Variants in FGD4 observed in about 807,000 individuals in gnomAD.
FGD4 encodes the protein FYVE, RhoGEF and PH domain containing 4.
Under a neutral mutation model 102.0 loss-of-function variants are expected in FGD4, and 42 were observed. The observed-to-expected ratio is 0.41, with a 90% CI of 0.32 to 0.53. The LOEUF is 0.53. Among genes scored for constraint, FGD4 ranks in the 20% least tolerant of loss-of-function variants. The pLI is 0.21. For missense variants in FGD4, 902 were observed against 1,078.2 expected, an observed-to-expected ratio of 0.84 and a Z score of 2.29; for synonymous variants, 380 against 375.7, an observed-to-expected ratio of 1.01 and a Z score of -0.13.
chr12:32,524,706 T>C (rs1168664965), intron 1 of FGD4, among the ~76,000 whole-genome samples: 2 of 151,988 alleles, frequency 1.3e-5, no homozygotes, highest in Non-Finnish European at 2.9e-5. Context: ...GTGCCTGTAG[T>C]CTCAGCTACT....
At chr12:32,423,432 A>G (rs2136421855) in intron 1 of FGD4, among the ~76,000 whole-genome samples, 1 of 151,908 alleles carries the variant, frequency 6.6e-6, no homozygotes, top group South Asian at 2.1e-4. Flanking sequence ...TCTATTAAAA[A>G]ATACAAAAAA....
intron 1 of FGD4, among the ~76,000 whole-genome samples, chr12:32,442,818 A>G (rs1015034389): frequency 3.9e-5 from 6 of 152,100 alleles, no homozygotes; most frequent in Admixed American, 6.6e-5. Flanking sequence ...TAGGCCTTCC[A>G]AAGTGTTGGG....
chr12:32,546,618 T>TTGG lies in FGD4; in HGVS notation c.167-17518_167-17516dup, dbSNP rs377712444. Reference sequence around the variant, plus strand: ...TTTTCTGACTTCTCCCTGAGGAGGTTTGGGTCAGGCCTAGCAGAAACTGCA... The same window carrying TTGG: ...TTTTCTGACTTCTCCCTGAGGAGGTTTGGTGGGTCAGGCCTAGCAGAAACTGCA... On this transcript the variant is annotated intron_variant, in intron 1 of 16. Coordinates refer to ENST00000534526, the MANE Select transcript of FGD4 (RefSeq NM_001370298.3). Among the ~76,000 whole-genome samples the TTGG allele has an allele frequency of 5.1e-3, 780 of 152,336 alleles. 5 individuals are homozygous for TTGG. The highest frequency in any genetic ancestry group is 0.017 in the African/African-American group (714 of 41,578).
chr12:32,605,307 A>G (rs1160622498), intron 7 of FGD4, among the ~76,000 whole-genome samples: 2 of 146,758 alleles, frequency 1.4e-5, no homozygotes, highest in African/African-American at 5.0e-5. Flanking sequence ...GGTCTGCCTC[A>G]TCCCCTTCAC....
At chr12:32,447,989 G>A in intron 1 of FGD4, among the ~76,000 whole-genome samples, 1 of 152,182 alleles carries the variant, frequency 6.6e-6, no homozygotes, top group African/African-American at 2.4e-5. Context: ...GTTGGGGAAG[G>A]AACAAACCCT....
At chr12:32,580,432 C>T (rs535688671) in intron 3 of FGD4, among the ~76,000 whole-genome samples, 55 of 152,212 alleles carry the variant, frequency 3.6e-4, no homozygotes, top group African/African-American at 5.5e-4. Flanking sequence ...CTGTGTCAAG[C>T]GCCACGCTAA....
intron 16 of FGD4, among the ~76,000 whole-genome samples, chr12:32,639,145 T>C (rs1565940706): frequency 6.6e-6 from 1 of 152,094 alleles, no homozygotes; most frequent in African/African-American, 2.4e-5. Context: ...TAATTTTGTT[T>C]TTTGTTTGTT....
intron 4 of FGD4, among the ~76,000 whole-genome samples, chr12:32,592,772 C>T (rs1297303790): frequency 1.3e-5 from 2 of 152,050 alleles, no homozygotes; most frequent in Admixed American, 6.5e-5. Context: ...TTGGAAGCCA[C>T]CATATTATTA....
chr12:32,501,380 C>T (rs1020768403), intron 1 of FGD4, among the ~76,000 whole-genome samples: 4 of 152,152 alleles, frequency 2.6e-5, no homozygotes, highest in Non-Finnish European at 5.9e-5. Context: ...CCAATTTTAT[C>T]TTCCAAGGAC....
At chr12:32,619,103 T>C (rs1336637026) in intron 10 of FGD4, among the ~76,000 whole-genome samples, 1 of 152,252 alleles carries the variant, frequency 6.6e-6, no homozygotes, top group African/African-American at 2.4e-5. Flanking sequence ...TAATTTGTTG[T>C]GAATTTATTG....
At chr12:32,446,903 A>G (rs1942631732) in intron 1 of FGD4, among the ~76,000 whole-genome samples, 1 of 152,170 alleles carries the variant, frequency 6.6e-6, no homozygotes, top group Non-Finnish European at 1.5e-5. Context: ...CAGTGGTGCA[A>G]TGAGGGGCAT....
chr12:32,418,449 G>A (rs1279369965), intron 1 of FGD4, among the ~76,000 whole-genome samples: 1 of 152,100 alleles, frequency 6.6e-6, no homozygotes, highest in East Asian at 1.9e-4. Flanking sequence ...TAACTCTGTG[G>A]TTCTTGCCGA....
intron 14 of FGD4, 88 bp downstream of exon 14, chr12:32,625,867 T>C: frequency 6.4e-7 from 1 of 1,560,562 alleles, no homozygotes; most frequent in African/African-American, 1.4e-5. Context: ...AAAAATGACT[T>C]TCAACAAATC....
intron 1 of FGD4, among the ~76,000 whole-genome samples, chr12:32,514,980 G>C (rs1214041144): frequency 6.6e-6 from 1 of 152,090 alleles, no homozygotes; most frequent in Non-Finnish European, 1.5e-5. Flanking sequence ...GCCTCCCAAA[G>C]TGTTGAGATT....
intron 1 of FGD4, among the ~76,000 whole-genome samples, chr12:32,529,414 C>T (rs193162514): frequency 2.6e-5 from 4 of 152,250 alleles, no homozygotes; most frequent in East Asian, 1.9e-4. Context: ...TGTGAGCCAC[C>T]GCGCCTGGCC....
At chr12:32,573,654 A>G (rs1043555003) in intron 2 of FGD4, among the ~76,000 whole-genome samples, 2 of 152,074 alleles carry the variant, frequency 1.3e-5, no homozygotes, top group Non-Finnish European at 2.9e-5. Context: ...TGTCATATCC[A>G]TGTATCATTT....
At chr12:32,552,030 T>A (rs1398462026) in intron 1 of FGD4, among the ~76,000 whole-genome samples, 1 of 152,162 alleles carries the variant, frequency 6.6e-6, no homozygotes, top group Non-Finnish European at 1.5e-5. Context: ...GACCAAGAAA[T>A]GGGTGTTAAG....
At chr12:32,463,748 T>C (rs186630257) in intron 1 of FGD4, among the ~76,000 whole-genome samples, 68 of 152,332 alleles carry the variant, frequency 4.5e-4, no homozygotes, top group African/African-American at 1.5e-3. Context: ...TGTGTGAGAA[T>C]TGAAATGAGA....
intron 16 of FGD4, among the ~76,000 whole-genome samples, chr12:32,640,032 A>G (rs1951075251): frequency 6.6e-6 from 1 of 151,962 alleles, no homozygotes; most frequent in South Asian, 2.1e-4. Context: ...CACAGAGAGG[A>G]GGGTGTAGTG....
Sources: gnomAD v4.1 joint callset for allele counts (sites outside exome capture counted in the v4.1 genomes callset) on GRCh38, gnomAD v4.1.1 for gene constraint, MANE v1.5 for transcripts, NCBI Gene and HGNC (gene_info 2026-07-23, HGNC 2026-07-21) for gene names.